Variants in ZNF804B observed in about 807,000 individuals in gnomAD.
ZNF804B encodes the protein zinc finger 804B.
ZNF804B carries 80 observed loss-of-function variants against 101.4 expected under a neutral mutation model. The ratio of observed to expected loss-of-function variants is 0.79; its 90% CI spans 0.66 to 0.95. The LOEUF (loss-of-function observed/expected upper bound fraction) is 0.95, where lower values mean the gene tolerates loss of function less well. Ranked by LOEUF, ZNF804B falls within the 40% of genes least tolerant of loss-of-function variation. The pLI is 0.00. For synonymous variants in ZNF804B, 622 were observed against 558.8 expected (o/e 1.11, Z -1.59); for missense variants, 1,673 against 1,561.9 (o/e 1.07, Z -1.20).
At chr7:88,794,103 C>A in intron 1 of ZNF804B, 1 of 1,161,250 alleles carries the variant, frequency 8.6e-7, no homozygotes, top group Non-Finnish European at 1.2e-6. Context: ...TAAAAGACAC[C>A]AGTAACTTTA....
chr7:89,294,138 T>G (rs1343064985), intron 2 of ZNF804B, among the ~76,000 whole-genome samples: 1 of 152,300 alleles, frequency 6.6e-6, no homozygotes, highest in East Asian at 1.9e-4. Flanking sequence ...TTTGATGCAT[T>G]CAAGAAAAGT....
At chr7:89,251,320 C>A (rs1444611090) in intron 2 of ZNF804B, among the ~76,000 whole-genome samples, 1 of 151,918 alleles carries the variant, frequency 6.6e-6, no homozygotes, top group Non-Finnish European at 1.5e-5. Context: ...AGACCCAAAT[C>A]AAAAACACAA....
chr7:89,000,915 A>G (rs189219559), intron 1 of ZNF804B, among the ~76,000 whole-genome samples: 2 of 147,950 alleles, frequency 1.4e-5, no homozygotes, highest in East Asian at 3.9e-4. Context: ...ATAGAATAAT[A>G]TATCTAATAT....
chr7:89,307,395 A>C (rs1175255416), intron 2 of ZNF804B, among the ~76,000 whole-genome samples: 1 of 152,040 alleles, frequency 6.6e-6, no homozygotes, highest in Non-Finnish European at 1.5e-5. Flanking sequence ...AGTTTTATAT[A>C]AACATTCTAA....
chr7:88,950,906 G>A (rs1356025545), intron 1 of ZNF804B, among the ~76,000 whole-genome samples: 2 of 133,686 alleles, frequency 1.5e-5, no homozygotes, highest in Non-Finnish European at 3.2e-5. Context: ...AAAGCCTCAA[G>A]AAGAAAGAGA....
At chr7:89,054,984 C>G (rs1212899977) in intron 1 of ZNF804B, among the ~76,000 whole-genome samples, 2 of 151,998 alleles carry the variant, frequency 1.3e-5, no homozygotes, top group African/African-American at 4.8e-5. Flanking sequence ...AGGAAGAAAA[C>G]TAAAATAAAG....
intron 1 of ZNF804B, among the ~76,000 whole-genome samples, chr7:89,050,081 A>G (rs1487787006): frequency 1.3e-5 from 2 of 152,148 alleles, no homozygotes; most frequent in Admixed American, 6.6e-5. Flanking sequence ...TTTTTTTCCA[A>G]TTATGAGTTT....
rs1791519535 is a variant in ZNF804B at position 88,854,527 on chromosome 7, T to TTTCCTTTCCTTTCCTTTCCTTCCCC, written c.108+94449_108+94450insTCCTTTCCTTTCCTTCCCCTTCCTT. Among the ~76,000 whole-genome samples the TTTCCTTTCCTTTCCTTTCCTTCCCC allele has an allele frequency of 8.5e-4, 34 of 40,078 alleles. 1 individual carries two copies. The highest frequency in any genetic ancestry group is 3.2e-3 in the African/African-American group (31 of 9,626). The allele number at this position is 40,078 out of a possible 152,430, so 26.3% of individuals were successfully genotyped here. ...CTTTCCTTTCCTTTCCTTTCCTTCC[T>TTTCCTTTCCTTTCCTTTCCTTCCCC]TTCCTTCCTTCCTTCCTTCCTTCCT... On this transcript the variant is annotated intron_variant, in intron 1 of 3. Coordinates refer to ENST00000333190, the MANE Select transcript of ZNF804B (RefSeq NM_181646.5).
intron 1 of ZNF804B, among the ~76,000 whole-genome samples, chr7:88,859,023 C>T (rs977375638): frequency 1.1e-4 from 17 of 152,002 alleles, no homozygotes; most frequent in East Asian, 9.6e-4. Context: ...CCATTATGAA[C>T]GCATTAAATA....
intron 1 of ZNF804B, among the ~76,000 whole-genome samples, chr7:88,890,288 T>C (rs938975272): frequency 6.6e-6 from 1 of 152,190 alleles, no homozygotes; most frequent in African/African-American, 2.4e-5. Flanking sequence ...ATGTATGATA[T>C]TAAGTAAAGT....
At chr7:89,142,027 A>G (rs1261734325) in intron 1 of ZNF804B, among the ~76,000 whole-genome samples, 1 of 151,806 alleles carries the variant, frequency 6.6e-6, no homozygotes, top group Non-Finnish European at 1.5e-5. Context: ...AACCATGTCA[A>G]TGCTATCTTT....
intron 1 of ZNF804B, among the ~76,000 whole-genome samples, chr7:88,818,928 T>C (rs574401789): frequency 6.6e-6 from 1 of 152,280 alleles, no homozygotes; most frequent in South Asian, 2.1e-4. Flanking sequence ...TGTCCTTTCT[T>C]TAGAAGTATG....
Position 89,053,841 on chromosome 7 carries a change from A to T in ZNF804B, c.109-164314A>T, listed in dbSNP as rs530420013. 2.0e-5 allele frequency among the ~76,000 whole-genome samples: 3 copies of T among 152,136 alleles called. No individual in the cohort carries two copies. In the East Asian group the frequency reaches 5.8e-4, roughly 29 times the overall value. The stretch of plus-strand genomic sequence containing the variant: ...TTGTATTGAAGAGAGTAATATGAAA[A>T]TTGTAGGCAGAAATTGAAGATCTTA... On this transcript the variant is annotated intron_variant, in intron 1 of 3. Transcript: ENST00000333190.
chr7:89,039,053 G>A (rs1384814445), intron 1 of ZNF804B, among the ~76,000 whole-genome samples: 5 of 151,842 alleles, frequency 3.3e-5, no homozygotes, highest in Non-Finnish European at 4.4e-5. Context: ...CCAATATCAC[G>A]ACATTTTGAT....
At chr7:89,138,368 T>C (rs528675613) in intron 1 of ZNF804B, among the ~76,000 whole-genome samples, 1 of 152,206 alleles carries the variant, frequency 6.6e-6, no homozygotes, top group African/African-American at 2.4e-5. Flanking sequence ...AAGGAGATCA[T>C]TTTGCAGCTT....
intron 1 of ZNF804B, among the ~76,000 whole-genome samples, chr7:88,907,937 A>C (rs550906019): frequency 2.6e-5 from 4 of 151,920 alleles, no homozygotes; most frequent in Non-Finnish European, 5.9e-5. Context: ...TATTTGACTA[A>C]ATTGGCTGGG....
chr7:89,232,791 A>T (rs886711807), intron 2 of ZNF804B, among the ~76,000 whole-genome samples: 1 of 152,188 alleles, frequency 6.6e-6, no homozygotes, highest in African/African-American at 2.4e-5. Flanking sequence ...GTTTATGAAC[A>T]TTAGTAATCT....
intron 2 of ZNF804B, among the ~76,000 whole-genome samples, chr7:89,318,363 T>G (rs1319654217): frequency 6.6e-6 from 1 of 152,198 alleles, no homozygotes; most frequent in Non-Finnish European, 1.5e-5. Flanking sequence ...CATTTTAACT[T>G]CTAATAGTGA....
At chr7:89,316,453 T>C (rs367801356) in intron 2 of ZNF804B, among the ~76,000 whole-genome samples, 40 of 151,548 alleles carry the variant, frequency 2.6e-4, no homozygotes, top group African/African-American at 9.7e-4. Context: ...ATACCCGGGG[T>C]CCCCAACCCT....
Sources: allele counts gnomAD v4.1 joint callset (sites outside exome capture counted in the v4.1 genomes callset), GRCh38; gene constraint gnomAD v4.1.1; transcripts MANE v1.5; gene names NCBI Gene and HGNC (gene_info 2026-07-23, HGNC 2026-07-21).